The following NF1 variants were observed in gnomAD, a reference collection of about 807,000 sequenced individuals.
NF1 encodes the protein neurofibromin 1.
A neutral mutation model predicts 325.7 loss-of-function variants in NF1; 122 were observed. That is an observed-to-expected ratio of 0.37 (90% CI 0.32 to 0.44). The LOEUF is 0.44. Among genes scored for constraint, NF1 ranks in the 20% least tolerant of loss-of-function variants. The probability of loss-of-function intolerance (pLI) is 1.00; values close to 1 mark genes in which losing one functional copy is unlikely to be tolerated. For synonymous variants in NF1, 1,091 were observed against 1,186.0 expected (o/e 0.92, Z 1.65); for missense variants, 2,140 against 3,415.4 (o/e 0.63, Z 9.31).
chr17:31,220,501 A>T (rs2143995866), intron 14 of NF1, among the ~76,000 whole-genome samples: 2 of 152,250 alleles, frequency 1.3e-5, no homozygotes, highest in South Asian at 4.1e-4. Flanking sequence ...ATAGGTACTT[A>T]TTGCTCTTAA....
intron 36 of NF1, among the ~76,000 whole-genome samples, chr17:31,276,327 T>C (rs748456793): frequency 3.4e-4 from 51 of 152,018 alleles, no homozygotes; most frequent in Non-Finnish European, 2.9e-4. Flanking sequence ...AAGAGTTATT[T>C]GGTTATTTGC....
chr17:31,343,179 G>C (rs2151565452), intron 48 of NF1, 44 bp downstream of exon 48: 1 of 1,505,264 alleles, frequency 6.6e-7, no homozygotes, highest in East Asian at 2.3e-5. Flanking sequence ...GTACTATTAA[G>C]AAACCAGAAG....
chr17:31,111,536 G>C (rs1300960349), intron 1 of NF1, among the ~76,000 whole-genome samples: 1 of 152,076 alleles, frequency 6.6e-6, no homozygotes, highest in African/African-American at 2.4e-5. Context: ...GTGTTCAAAG[G>C]AACGATATAA....
At position 31,365,278 on chromosome 17, in the gene NF1, CAA is replaced by C. The variant is rs67659795; in HGVS notation, c.8377+4593_8377+4594del. ...CCAGTCAGGGATTGAGAACCTATCT[CAA>C]AAAAAAAAAAAAAAAAAGAAGGAAA... On this transcript the variant is annotated intron_variant, in intron 57 of 57. Coordinates refer to ENST00000358273, the MANE Select transcript of NF1 (RefSeq NM_001042492.3). Among the ~76,000 whole-genome samples, 325 of 100,986 alleles carry C rather than the reference CAA, an allele frequency of 3.2e-3. 1 individual carries two copies. The highest frequency in any genetic ancestry group is 0.012 in the East Asian group (41 of 3,480). 66.3% of individuals were successfully genotyped at this position (100,986 alleles called of 152,430 possible).
rs1418711551 is a variant in NF1, at chr17:31,375,053, CCTAA to C, written c.*903_*906del. 4.8e-5 allele frequency: 10 copies of C among 209,276 alleles called. No homozygotes were observed. Among genetic ancestry groups the C allele is most frequent in the Non-Finnish European group, 9.7e-5 (10 of 102,796 alleles). The allele number at this position is 209,276 out of a possible 1,614,324, so 13.0% of individuals were successfully genotyped here. The stretch of plus-strand genomic sequence containing the variant: ...ATTTTTTCCCCTCCCCCTCTTCTTT[CCTAA>C]CTAATTCTGAGCAGGGTAATCAGTG... On this transcript the variant is annotated 3_prime_UTR_variant, in exon 58 of 58. Transcript: ENST00000358273.
chr17:31,136,422 T>A (rs1000423979), intron 1 of NF1: 1 of 152,180 alleles, frequency 6.6e-6, no homozygotes, highest in Non-Finnish European at 1.5e-5. Context: ...TATGGTTTGT[T>A]GCCCACAGTC....
At chr17:31,346,929 T>C (rs574265114) in intron 48 of NF1, among the ~76,000 whole-genome samples, 6 of 151,702 alleles carry the variant, frequency 4.0e-5, no homozygotes, top group African/African-American at 1.2e-4. Context: ...GGGGCTATAT[T>C]GAATCTCTGT....
intron 15 of NF1, chr17:31,222,461 GA>G: frequency 9.7e-7 from 1 of 1,031,640 alleles, no homozygotes; most frequent in East Asian, 6.1e-5. Context: ...CCACACGGAG[GA>G]AAATGTAAAT....
intron 36 of NF1, chr17:31,305,350 G>T (rs1445121427): frequency 8.1e-6 from 13 of 1,614,076 alleles, no homozygotes; most frequent in Non-Finnish European, 1.1e-5. Flanking sequence ...TTCAGAAGAG[G>T]TATAGACAGC....
chr17:31,307,498 A>G (rs763118424), intron 36 of NF1, among the ~76,000 whole-genome samples: 2 of 152,218 alleles, frequency 1.3e-5, no homozygotes, highest in African/African-American at 2.4e-5. Context: ...AATAAGGCAC[A>G]TATGAAAGTT....
intron 8 of NF1, among the ~76,000 whole-genome samples, chr17:31,197,502 G>A (rs971964314): frequency 2.0e-5 from 3 of 151,870 alleles, no homozygotes; most frequent in South Asian, 2.1e-4. Context: ...GCAATGTTTT[G>A]TAGTTTTTTA....
intron 33 of NF1, among the ~76,000 whole-genome samples, chr17:31,259,853 T>G (rs62070684): frequency 0.013 from 1,951 of 152,304 alleles, 26 homozygotes; most frequent in Middle Eastern, 0.02. Context: ...TCTCTTCCAG[T>G]TTATCATCAT....
At chr17:31,258,053 A>G (rs957345639) in intron 31 of NF1, among the ~76,000 whole-genome samples, 2 of 152,194 alleles carry the variant, frequency 1.3e-5, no homozygotes, top group Non-Finnish European at 2.9e-5. Context: ...AACATGCAGT[A>G]TAAGTGATGA....
chr17:31,280,821 T>C (rs1453471059), intron 36 of NF1, among the ~76,000 whole-genome samples: 4 of 151,354 alleles, frequency 2.6e-5, no homozygotes, highest in Non-Finnish European at 5.9e-5. Context: ...GGTATTCATG[T>C]ATTACTTCGG....
chr17:31,373,157 A>T (rs1043883741), intron 57 of NF1, among the ~76,000 whole-genome samples: 2 of 152,198 alleles, frequency 1.3e-5, no homozygotes, highest in African/African-American at 4.8e-5. Context: ...CTACAGTATG[A>T]CCTTTGTGAT....
At chr17:31,296,184 G>A (rs1567879711) in intron 36 of NF1, 1 of 1,613,574 alleles carries the variant, frequency 6.2e-7, no homozygotes, top group African/African-American at 1.3e-5. Flanking sequence ...AGTCCAGATG[G>A]TAATGTAGAC....
intron 1 of NF1, among the ~76,000 whole-genome samples, chr17:31,131,094 G>A (rs1053733447): frequency 6.6e-6 from 1 of 152,222 alleles, no homozygotes; most frequent in Non-Finnish European, 1.5e-5. Flanking sequence ...GCCCTGCAGA[G>A]TTCAGGTCTG....
At chr17:31,136,601 C>G (rs1291590393) in intron 1 of NF1, 1 of 152,154 alleles carries the variant, frequency 6.6e-6, no homozygotes, top group Non-Finnish European at 1.5e-5. Context: ...TGTATGGTAC[C>G]TGCCTGTTAG....
intron 36 of NF1, among the ~76,000 whole-genome samples, chr17:31,280,900 T>C (rs2068106813): frequency 6.6e-6 from 1 of 152,128 alleles, no homozygotes; most frequent in Admixed American, 6.5e-5. Flanking sequence ...TTATAGACTT[T>C]TTTTTCTTAA....
Sources: gnomAD v4.1 joint callset for allele counts (sites outside exome capture counted in the v4.1 genomes callset) on GRCh38, gnomAD v4.1.1 for gene constraint, MANE v1.5 for transcripts, NCBI Gene and HGNC (gene_info 2026-07-23, HGNC 2026-07-21) for gene names.